The following FRMPD2 variants were observed in gnomAD, a reference collection of about 807,000 sequenced individuals.
The protein encoded by FRMPD2 is FERM and PDZ domain containing 2, also known as FERM and PDZ domain-containing protein 2.
FRMPD2 carries 96 observed loss-of-function variants against 140.1 expected under a neutral mutation model. That is an observed-to-expected ratio of 0.69 (90% confidence interval 0.58 to 0.81). The LOEUF (loss-of-function observed/expected upper bound fraction) is 0.81. Among genes scored for constraint, FRMPD2 ranks in the 40% least tolerant of loss-of-function variants. The probability of loss-of-function intolerance (pLI) is 0.00; values close to 1 mark genes in which losing one functional copy is unlikely to be tolerated. For missense variants in FRMPD2, 1,240 were observed against 1,447.4 expected, an observed-to-expected ratio of 0.86 and a Z score of 2.32; for synonymous variants, 449 against 547.6, an observed-to-expected ratio of 0.82 and a Z score of 2.52.
intron 8 of FRMPD2, among the ~76,000 whole-genome samples, chr10:48,237,351 C>T (rs905550954): frequency 1.3e-5 from 2 of 152,142 alleles, no homozygotes; most frequent in African/African-American, 4.8e-5. Context: ...CAAAGCCTCT[C>T]AGAAGCCCTC....
At chr10:48,270,410 GA>G (rs1564445603) in intron 1 of FRMPD2, among the ~76,000 whole-genome samples, 1 of 152,156 alleles carries the variant, frequency 6.6e-6, no homozygotes, top group African/African-American at 2.4e-5. Flanking sequence ...CCTCTTCTGG[GA>G]ATTGATGCCA....
At chr10:48,247,899 G>GTATGTGGGCCTGGATGCCAGAGTGAC (rs1840288625) in intron 3 of FRMPD2, among the ~76,000 whole-genome samples, 7 of 152,208 alleles carry the variant, frequency 4.6e-5, no homozygotes, top group Non-Finnish European at 1.0e-4. Context: ...GTGTAAGAAG[G>GTATGTGGGCCTGGATGCCAGAGTGAC]TATGTGGGCC....
chr10:48,237,220 C>G (rs932626934), intron 8 of FRMPD2, among the ~76,000 whole-genome samples: 6 of 152,106 alleles, frequency 3.9e-5, no homozygotes, highest in Non-Finnish European at 2.9e-5. Flanking sequence ...CCAAGGGTAC[C>G]TAGCAGGACT....
chr10:48,220,393 G>A (rs1211320473), intron 12 of FRMPD2, among the ~76,000 whole-genome samples: 1 of 152,130 alleles, frequency 6.6e-6, no homozygotes, highest in East Asian at 1.9e-4. Flanking sequence ...ACACACAGAA[G>A]AATGAAACTG....
At chr10:48,270,569 T>C (rs1005067246) in intron 1 of FRMPD2, among the ~76,000 whole-genome samples, 5 of 152,124 alleles carry the variant, frequency 3.3e-5, no homozygotes, top group African/African-American at 1.2e-4. Flanking sequence ...GCTCCAAAGT[T>C]ACCAACCATC....
In FRMPD2 at chr10:48,203,590, T is replaced by C. The variant is rs188115121; in HGVS notation, c.1798-2206A>G. On this transcript the variant is annotated intron_variant, in intron 14 of 28. Transcript: ENST00000374201. The stretch of plus-strand genomic sequence containing the variant: ...TTGGTTTCAAAGCATCAGTTTACCA[T>C]TTTGAATATTTTCATCCCTAGGAGT... Among the ~76,000 whole-genome samples the C allele has an allele frequency of 3.3e-5, 5 of 152,312 alleles. 1 individual carries two copies. The highest frequency in any genetic ancestry group is 7.4e-5 in the Non-Finnish European group (5 of 68,018).
chr10:48,200,141 A>C (rs1839047769), intron 15 of FRMPD2, among the ~76,000 whole-genome samples: 1 of 146,752 alleles, frequency 6.8e-6, no homozygotes. Flanking sequence ...AAAAACTAAA[A>C]GCTAAAAAAT....
At chr10:48,229,274 C>A (rs1431736268) in intron 10 of FRMPD2, among the ~76,000 whole-genome samples, 1 of 151,962 alleles carries the variant, frequency 6.6e-6, no homozygotes, top group South Asian at 2.1e-4. Context: ...AAGTTTTGAC[C>A]ATTATGTATT....
intron 16 of FRMPD2, among the ~76,000 whole-genome samples, chr10:48,189,408 C>T (rs967141905): frequency 5.9e-5 from 9 of 152,214 alleles, no homozygotes; most frequent in East Asian, 1.9e-4. Context: ...CTGTACCTCA[C>T]GGCAGGCAGC....
chr10:48,222,620 T>G (rs1485300804), intron 11 of FRMPD2, among the ~76,000 whole-genome samples, 169 bp from the exon 12 acceptor site: 1 of 152,242 alleles, frequency 6.6e-6, no homozygotes, highest in African/African-American at 2.4e-5. Context: ...CCTGCATTTA[T>G]ACCATGCCTC....
intron 15 of FRMPD2, among the ~76,000 whole-genome samples, chr10:48,198,067 G>C (rs542930622): frequency 9.8e-4 from 150 of 152,318 alleles, no homozygotes; most frequent in Non-Finnish European, 1.7e-3. Context: ...TAGCTCCATA[G>C]CACTTCGTAA....
chr10:48,272,535 G>A (rs1446572760), intron 1 of FRMPD2, among the ~76,000 whole-genome samples: 2 of 152,284 alleles, frequency 1.3e-5, no homozygotes, highest in East Asian at 3.9e-4. Flanking sequence ...GTGTAATGGT[G>A]TGCTGGTGCA....
intron 5 of FRMPD2, 67 bp from the exon 6 acceptor site, chr10:48,240,559 C>A (rs754787007): frequency 1.9e-6 from 3 of 1,592,934 alleles, no homozygotes; most frequent in Admixed American, 3.3e-5. Context: ...TAGATACATG[C>A]AAACTGGCTG....
Position 48,223,138 on chromosome 10 carries a change from T to C in FRMPD2, c.1301A>G (p.His434Arg). The C allele has an allele frequency of 1.9e-6, 3 of 1,613,866 alleles. No individual in the cohort carries two copies. Among genetic ancestry groups the C allele is most frequent in the Non-Finnish European group, 2.5e-6 (3 of 1,179,826 alleles). ...LFLRIKFFVS[H>R]YGLLQHSLTR... ...CAGCACTCACTGGAGCAGCCCATAG[T>C]GGCTGACAAAGAACTTTATCCTCAG... Residue 434 changes from histidine (H) to arginine (R), a missense_variant, in exon 11 of 29, where the codon CAC (histidine) becomes CGC (arginine). Transcript: ENST00000374201.
intron 10 of FRMPD2, 49 bp downstream of exon 10, chr10:48,232,066 G>A (rs1189178634): frequency 1.3e-6 from 2 of 1,577,502 alleles, no homozygotes; most frequent in East Asian, 2.2e-5. Flanking sequence ...CAGATACCTG[G>A]GTTACCAGAG....
chr10:48,241,922 TA>T, intron 5 of FRMPD2: 2 of 295,912 alleles, frequency 6.8e-6, no homozygotes, highest in Non-Finnish European at 6.2e-6. Context: ...GGGGCTTGCC[TA>T]AAGGTCTTTG....
At chr10:48,208,963 C>A (rs912077231) in intron 13 of FRMPD2, among the ~76,000 whole-genome samples, 1 of 152,182 alleles carries the variant, frequency 6.6e-6, no homozygotes, top group South Asian at 2.1e-4. Context: ...TCTTCTCTGA[C>A]CTTATAACTC....
intron 1 of FRMPD2, among the ~76,000 whole-genome samples, chr10:48,272,459 G>A (rs573135302): frequency 2.0e-4 from 30 of 152,098 alleles, no homozygotes; most frequent in Admixed American, 6.5e-4. Flanking sequence ...TTATTTTACT[G>A]CATTTTACTG....
chr10:48,270,940 A>G (rs927262389), intron 1 of FRMPD2, among the ~76,000 whole-genome samples: 1 of 152,152 alleles, frequency 6.6e-6, no homozygotes, highest in Non-Finnish European at 1.5e-5. Flanking sequence ...TGAAATGTAA[A>G]TTCTACAAAA....
Sources: gnomAD v4.1 joint callset for allele counts (sites outside exome capture counted in the v4.1 genomes callset) on GRCh38, gnomAD v4.1.1 for gene constraint, MANE v1.5 for transcripts, NCBI Gene and HGNC (gene_info 2026-07-23, HGNC 2026-07-21) for gene names.